SH3RF3: variants seen among roughly 807,000 people sequenced by gnomAD.
SH3RF3 encodes SH3 domain containing ring finger 3.
In SH3RF3, 29 loss-of-function variants were observed where a neutral mutation model predicts 66.3. The ratio of observed to expected loss-of-function variants is 0.44; its 90% CI spans 0.33 to 0.60. SH3RF3 has a LOEUF of 0.60. Ranked by LOEUF, SH3RF3 falls within the 20% of genes least tolerant of loss-of-function variation. The probability of loss-of-function intolerance (pLI) is 0.04; values close to 1 mark genes in which losing one functional copy is unlikely to be tolerated. For synonymous variants in SH3RF3, 583 were observed against 532.0 expected, an observed-to-expected ratio of 1.10 and a Z score of -1.32; for missense variants, 1,194 against 1,190.9, an observed-to-expected ratio of 1.00 and a Z score of -0.04.
chr2:109,222,550 T>C (rs1458942974), intron 1 of SH3RF3, among the ~76,000 whole-genome samples: 1 of 151,842 alleles, frequency 6.6e-6, no homozygotes, highest in Non-Finnish European at 1.5e-5. Flanking sequence ...GGGGCAAGGG[T>C]GAGAGGCCAG....
At chr2:109,491,050 T>G in intron 9 of SH3RF3, 114 bp downstream of exon 9, 5 of 1,027,936 alleles carry the variant, frequency 4.9e-6, no homozygotes, top group Non-Finnish European at 6.6e-6. Context: ...GTTTACCAGA[T>G]GTACCTCAAC....
intron 2 of SH3RF3, among the ~76,000 whole-genome samples, chr2:109,363,593 A>G (rs1419386361): frequency 2.6e-5 from 4 of 152,140 alleles, no homozygotes; most frequent in East Asian, 1.9e-4. Context: ...TTTCTGACCT[A>G]TATTATTTTT....
chr2:109,220,409 G>C (rs1055388783), intron 1 of SH3RF3, among the ~76,000 whole-genome samples: 4 of 151,952 alleles, frequency 2.6e-5, no homozygotes, highest in African/African-American at 4.8e-5. Context: ...GGCAATACAA[G>C]AAAAAAATAC....
chr2:109,337,737 T>C (rs989975669), intron 1 of SH3RF3, among the ~76,000 whole-genome samples: 17 of 149,602 alleles, frequency 1.1e-4, no homozygotes, highest in African/African-American at 4.2e-4. Context: ...AAGGTCCCCC[T>C]TTTTTTTTGA....
intron 1 of SH3RF3, among the ~76,000 whole-genome samples, chr2:109,297,494 A>G (rs912605906): frequency 1.3e-5 from 2 of 151,768 alleles, no homozygotes; most frequent in African/African-American, 4.8e-5. Flanking sequence ...GCTCCCCACC[A>G]GACCAGTGCC....
At chr2:109,405,651 G>A (rs778041830) in intron 4 of SH3RF3, among the ~76,000 whole-genome samples, 2 of 152,262 alleles carry the variant, frequency 1.3e-5, no homozygotes, top group East Asian at 1.9e-4. Context: ...GCTCCTGCCC[G>A]CCCTTCCAGA....
intron 7 of SH3RF3, among the ~76,000 whole-genome samples, chr2:109,444,842 A>G (rs1677663430): frequency 6.6e-6 from 1 of 152,198 alleles, no homozygotes. Context: ...AACTCAAGAG[A>G]TAGGAGGAAA....
At chr2:109,439,276 T>A (rs1677496964) in intron 7 of SH3RF3, among the ~76,000 whole-genome samples, 2 of 152,236 alleles carry the variant, frequency 1.3e-5, no homozygotes, top group South Asian at 2.1e-4. Flanking sequence ...ACGGGATGGT[T>A]AAACGGCTCC....
At chr2:109,412,698 A>G (rs915254091) in intron 4 of SH3RF3, among the ~76,000 whole-genome samples, 30 of 152,260 alleles carry the variant, frequency 2.0e-4, no homozygotes, top group Non-Finnish European at 4.3e-4. Flanking sequence ...TAACTCTGTT[A>G]TTCTTCTCAT....
At chr2:109,309,341 C>T (rs1469991402) in intron 1 of SH3RF3, among the ~76,000 whole-genome samples, 1 of 150,354 alleles carries the variant, frequency 6.7e-6, no homozygotes, top group Non-Finnish European at 1.5e-5. Flanking sequence ...CAAAAGAGCT[C>T]CTGAAGGAAG....
intron 4 of SH3RF3, among the ~76,000 whole-genome samples, chr2:109,414,083 G>T (rs1023968540): frequency 6.6e-6 from 1 of 152,176 alleles, no homozygotes; most frequent in African/African-American, 2.4e-5. Flanking sequence ...GTCTCCTTCT[G>T]TTTATTGGGC....
chr2:109,211,201 C>T lies in SH3RF3; in HGVS notation c.573+81088C>T, dbSNP rs560456829. Among the ~76,000 whole-genome samples, 454 of 152,292 alleles carry T rather than the reference C, an allele frequency of 3.0e-3. 4 individuals are homozygous for T. The highest frequency in any genetic ancestry group is 9.7e-3 in the African/African-American group (402 of 41,552). The stretch of plus-strand genomic sequence containing the variant: ...GACCTGAAAGCAGGTGGGGGCTGCT[C>T]CTTGGCTGGGATAAAAGGCAAGGAG... On this transcript the variant is annotated intron_variant, in intron 1 of 9. Transcript: ENST00000309415.
intron 1 of SH3RF3, among the ~76,000 whole-genome samples, chr2:109,199,220 G>A (rs11123728): frequency 0.3 from 45,088 of 150,870 alleles, 7,267 homozygotes; most frequent in East Asian, 0.47. Context: ...TTAGCCAGGC[G>A]TGGTGGCGGG....
At chr2:109,419,921 A>G (rs945152821) in intron 5 of SH3RF3, among the ~76,000 whole-genome samples, 6 of 152,232 alleles carry the variant, frequency 3.9e-5, no homozygotes, top group African/African-American at 1.4e-4. Context: ...GGAGCCAGCC[A>G]TAGTGTGGAG....
chr2:109,203,775 G>A (rs1298518480), intron 1 of SH3RF3, among the ~76,000 whole-genome samples: 3 of 152,086 alleles, frequency 2.0e-5, no homozygotes, highest in Admixed American at 6.6e-5. Flanking sequence ...TCACACCCTC[G>A]GTCCATCCAT....
At chr2:109,188,472 CT>C (rs1045976996) in intron 1 of SH3RF3, among the ~76,000 whole-genome samples, 2 of 152,322 alleles carry the variant, frequency 1.3e-5, no homozygotes, top group African/African-American at 4.8e-5. Flanking sequence ...TTGTTTCCCC[CT>C]GGGGTTTGTG....
chr2:109,432,313 G>T (rs79929721), intron 5 of SH3RF3, among the ~76,000 whole-genome samples, 188 bp from the exon 6 acceptor site: 7 of 152,286 alleles, frequency 4.6e-5, no homozygotes, highest in African/African-American at 1.4e-4. Context: ...TCCCTGCCTC[G>T]TGGGTTTGTT....
intron 4 of SH3RF3, among the ~76,000 whole-genome samples, chr2:109,417,421 C>G (rs1676754844): frequency 6.6e-6 from 1 of 152,106 alleles, no homozygotes; most frequent in African/African-American, 2.4e-5. Context: ...CCCGGGCAGA[C>G]AGAAGACCCT....
intron 4 of SH3RF3, 114 bp from the exon 5 acceptor site, chr2:109,419,425 G>A: frequency 8.8e-7 from 1 of 1,131,154 alleles, no homozygotes; most frequent in Non-Finnish European, 1.3e-6. Context: ...AGGCCAAACA[G>A]CCAGGCAGCT....
Sources: allele counts gnomAD v4.1 joint callset (sites outside exome capture counted in the v4.1 genomes callset), GRCh38; gene constraint gnomAD v4.1.1; transcripts MANE v1.5; gene names NCBI Gene and HGNC (gene_info 2026-07-23, HGNC 2026-07-21).